The following NOTCH3 variants were observed in gnomAD, a reference collection of about 807,000 sequenced individuals.
NOTCH3 encodes the protein notch receptor 3, also known as neurogenic locus notch homolog protein 3.
NOTCH3 carries 86 observed loss-of-function variants against 213.3 expected under a neutral mutation model. The observed-to-expected ratio is 0.40, with a 90% CI of 0.34 to 0.48. The LOEUF is 0.48. Ranked by LOEUF, NOTCH3 falls within the 20% of genes least tolerant of loss-of-function variation. The pLI is 0.57. For missense variants in NOTCH3, 2,783 were observed against 3,272.6 expected (o/e 0.85, Z 3.65); for synonymous variants, 1,354 against 1,355.9 (o/e 1.00, Z 0.03).
chr19:15,193,696 A>C (rs1437231776), intron 2 of NOTCH3, among the ~76,000 whole-genome samples: 2 of 146,518 alleles, frequency 1.4e-5, no homozygotes, highest in Non-Finnish European at 3.0e-5. Flanking sequence ...GCTTGAACCC[A>C]GGAGGCGGAG....
chr19:15,159,588 C>T lies in NOTCH3; in HGVS notation c.*1074G>A. The T allele has an allele frequency of 4.5e-6, 1 of 223,218 alleles. No homozygotes were observed. The highest frequency in any genetic ancestry group is 9.0e-6 in the Non-Finnish European group (1 of 111,726). 13.8% of individuals were successfully genotyped at this position (223,218 alleles called of 1,614,324 possible). On this transcript the variant is annotated 3_prime_UTR_variant, in exon 33 of 33. Coordinates refer to ENST00000263388, the MANE Select transcript of NOTCH3 (RefSeq NM_000435.3). ...CCCTGGGTGGGGGAGATAGAAGTCC[C>T]ACTGCCACCACTCCCCACCTTACCT...
At chr19:15,190,054 C>T (rs1402456726) in intron 6 of NOTCH3, among the ~76,000 whole-genome samples, 1 of 151,972 alleles carries the variant, frequency 6.6e-6, no homozygotes, top group Non-Finnish European at 1.5e-5. Flanking sequence ...GTGAGTGCAT[C>T]GCTTGAGTTC....
At position 15,187,752 on chromosome 19, in the gene NOTCH3, C is replaced by T. The variant is rs930709018; in HGVS notation, c.1606+129G>A. On this transcript the variant is annotated intron_variant, in intron 10 of 32. Coordinates refer to ENST00000263388, the MANE Select transcript of NOTCH3 (RefSeq NM_000435.3). Reference sequence around the variant, plus strand: ...TCTATATGCATTATTGGCTCCACCCCCCAACTCTGTCACTGGGTCCTGCCT... The same window carrying T: ...TCTATATGCATTATTGGCTCCACCCTCCAACTCTGTCACTGGGTCCTGCCT... 5.2e-6 allele frequency: 4 copies of T among 769,368 alleles called. No individual in the cohort carries two copies. In the Admixed American group the frequency reaches 8.0e-5, roughly 15 times the overall value. The allele number at this position is 769,368 out of a possible 1,614,324, so 47.7% of individuals were successfully genotyped here.
chr19:15,196,738 T>C (rs2046973049), intron 2 of NOTCH3, among the ~76,000 whole-genome samples: 1 of 152,150 alleles, frequency 6.6e-6, no homozygotes, highest in Non-Finnish European at 1.5e-5. Flanking sequence ...GCACTTAATG[T>C]ATGTTGAGTG....
At position 15,192,403 on chromosome 19, in the gene NOTCH3, G is replaced by A. The variant is rs760267181; in HGVS notation, c.314C>T (p.Ser105Leu). 2.5e-6 allele frequency: 4 copies of A among 1,612,600 alleles called. No individual in the cohort carries two copies. The Admixed American group carries it at 6.7e-5, about 27-fold the overall frequency. The change falls in exon 3 of 33, where the codon TCA (serine) becomes TTA (leucine). Residue 105 changes from serine to leucine, a missense_variant. Physicochemically the swap from Ser to Leu is moderately radical, Grantham distance 145. This residue lies in a region of NOTCH3 where 708 missense variants were observed against 906.6 expected (regional missense o/e 0.78). Transcript: ENST00000263388. ...SSVVAGTARF[S>L]CRCPRGFRGP... The stretch of plus-strand genomic sequence containing the variant: ...TCGGAAGCCACGGGGGCACCGGCAT[G>A]AGAATCGGGCGGTGCCAGCCACCAC...
At chr19:15,181,478 G>A (rs1425775994) in intron 17 of NOTCH3, 98 bp downstream of exon 17, 3 of 1,004,274 alleles carry the variant, frequency 3.0e-6, no homozygotes, top group African/African-American at 1.6e-5. Flanking sequence ...GTACCAAGCT[G>A]AGGACTCCCC....
At chr19:15,170,649 C>T (rs2046725515) in intron 26 of NOTCH3, 22 bp downstream of exon 26, 2 of 1,553,870 alleles carry the variant, frequency 1.3e-6, no homozygotes, top group South Asian at 1.2e-5. Flanking sequence ...CCCGCCACCC[C>T]CTCCCCAAGG....
In NOTCH3 at chr19:15,174,124, C is replaced by G. The variant is rs2145408553; in HGVS notation, c.4680G>C (p.Arg1560=). The change falls in exon 25 of 33, where the codon CGG becomes CGC. Residue 1560 remains arginine (R), a synonymous_variant. Coordinates refer to ENST00000263388, the MANE Select transcript of NOTCH3 (RefSeq NM_000435.3). The part of the protein sequence containing the change: ...HGQAMVFPYH[R]PSPGSEPRAR... Reference sequence around the variant, plus strand: ...CCCGGGGTTCGGAGCCAGGACTAGGCCGGTGGTAAGGGAAGACCATGGCCT... The same window carrying G: ...CCCGGGGTTCGGAGCCAGGACTAGGGCGGTGGTAAGGGAAGACCATGGCCT... The G allele has an allele frequency of 6.2e-7, 1 of 1,603,874 alleles. No homozygotes were observed. The highest frequency in any genetic ancestry group is 1.3e-5 in the African/African-American group (1 of 74,790).
At chr19:15,162,224 C>G in intron 32 of NOTCH3, 1 of 524,212 alleles carries the variant, frequency 1.9e-6, no homozygotes, top group South Asian at 2.1e-5. Flanking sequence ...TCAAGTAATC[C>G]ACCCATCTCG....
intron 16 of NOTCH3, among the ~76,000 whole-genome samples, chr19:15,182,625 A>G (rs759303579): frequency 6.6e-5 from 10 of 151,348 alleles, no homozygotes; most frequent in Admixed American, 5.3e-4. Flanking sequence ...TTATTTATTT[A>G]TTTATTTACT....
Position 15,167,393 on chromosome 19 carries a change from C to T in NOTCH3, c.5218G>A (p.Gly1740Arg). The T allele has an allele frequency of 6.2e-7, 1 of 1,607,302 alleles. No homozygotes were observed. Among genetic ancestry groups the T allele is most frequent in the Non-Finnish European group, 8.5e-7 (1 of 1,180,010 alleles). ...CGGCAATCCACAGCCTCCTCAGCCC[C>T]CATGCCTGGCTCCTCTACCTGGAGG... Reference protein sequence around the residue: ...KRLKVEEPGMGAEEAVDCRQW... With the variant: ...KRLKVEEPGMRAEEAVDCRQW... Residue 1740 changes from glycine to arginine, a missense_variant, in exon 29 of 33, where the codon GGG (glycine) becomes AGG (arginine). Gly to Arg is a moderately radical substitution (Grantham distance 125, BLOSUM62 -2). This residue lies in a region of NOTCH3 where 636 missense variants were observed against 801.8 expected (regional missense o/e 0.79). Transcript: ENST00000263388.
In NOTCH3 at chr19:15,165,944, C is replaced by A; in HGVS notation, c.5510G>T (p.Arg1837Leu). ...QGAQLGARTDRTGETALHLAA... is the reference protein window; with the variant it reads ...QGAQLGARTDLTGETALHLAA... ...CAGGTGCAAAGCAGTCTCGCCAGTA[C>A]GGTCAGTCCGTGCCCCAAGCTGAGC... Residue 1837 changes from arginine (R) to leucine (L), a missense_variant, in exon 30 of 33, where the codon CGT becomes CTT. By Grantham distance (102) the Arg-to-Leu change is moderately radical (BLOSUM62 -2). This residue lies in a region of NOTCH3 where 636 missense variants were observed against 801.8 expected (regional missense o/e 0.79). Coordinates refer to ENST00000263388, the MANE Select transcript of NOTCH3 (RefSeq NM_000435.3). This position sits in a 1 kb window ranked among gnomAD's most constrained non-coding sequence, Gnocchi z 4.7. 1 of 1,614,136 alleles carries A rather than the reference C, an allele frequency of 6.2e-7. No homozygotes were observed. Among genetic ancestry groups the A allele is most frequent in the East Asian group, 2.2e-5 (1 of 44,872 alleles).
At chr19:15,194,957 C>CA (rs35648748) in intron 2 of NOTCH3, among the ~76,000 whole-genome samples, 322 of 119,402 alleles carry the variant, frequency 2.7e-3, no homozygotes, top group Middle Eastern at 4.2e-3. Context: ...TACTCGATCT[C>CA]AAAAAAAAAA....
In NOTCH3 at chr19:15,179,212, T is replaced by A. The variant is rs1307960585; in HGVS notation, c.3531A>T (p.Leu1177=). The change falls in exon 22 of 33, where the codon CTA becomes CTT. Residue 1177 remains leucine (L), a synonymous_variant. Coordinates refer to ENST00000263388, the MANE Select transcript of NOTCH3 (RefSeq NM_000435.3). ...GPPLDSGPRC[L]HNGTCVDLVG... Reference sequence around the variant, plus strand: ...CCAGGTCCACGCAGGTGCCATTGTGTAGGCACCGGGGCCCTGAGTCCAGCG... The same window carrying A: ...CCAGGTCCACGCAGGTGCCATTGTGAAGGCACCGGGGCCCTGAGTCCAGCG... 6.2e-7 allele frequency: 1 copy of A among 1,613,920 alleles called. No homozygotes were observed. Among genetic ancestry groups the A allele is most frequent in the Non-Finnish European group, 8.5e-7 (1 of 1,179,970 alleles).
Position 15,185,534 on chromosome 19 carries a change from A to G in NOTCH3, c.2097T>C (p.Cys699=), listed in dbSNP as rs1464543891. 1.2e-6 allele frequency: 2 copies of G among 1,613,030 alleles called. No homozygotes were observed. The highest frequency in any genetic ancestry group is 1.7e-6 in the Non-Finnish European group (2 of 1,179,740). The change falls in exon 13 of 33, where the codon TGT becomes TGC. Residue 699 remains cysteine, a synonymous_variant. Coordinates refer to ENST00000263388, the MANE Select transcript of NOTCH3 (RefSeq NM_000435.3). This position sits in a 1 kb window ranked among gnomAD's most constrained non-coding sequence, Gnocchi z 4.2. ...TGCCGTGACTGCAGGGCTCATGGGC[A>G]CAGGGATGGCTCGGGGGGAGGCAGA... ...PPLCLPPSHP[C]AHEPCSHGIC...
chr19:15,185,224 G>A lies in NOTCH3; in HGVS notation c.2296+33C>T. 6.2e-7 allele frequency: 1 copy of A among 1,611,246 alleles called. No homozygotes were observed. Among genetic ancestry groups the A allele is most frequent in the Non-Finnish European group, 8.5e-7 (1 of 1,178,488 alleles). The stretch of plus-strand genomic sequence containing the variant: ...GAGAGATGAGAAGGCCCATGGTGTT[G>A]GTGGGGCTGCAGAGGGAAGGTGAGG... On this transcript the variant is annotated intron_variant, in intron 14 of 32. Coordinates refer to ENST00000263388, the MANE Select transcript of NOTCH3 (RefSeq NM_000435.3). This position sits in a 1 kb window ranked among gnomAD's most constrained non-coding sequence, Gnocchi z 4.2.
chr19:15,180,902 T>C, intron 18 of NOTCH3, 59 bp downstream of exon 18: 2 of 1,591,296 alleles, frequency 1.3e-6, no homozygotes, highest in Non-Finnish European at 1.7e-6. Flanking sequence ...CCGACTTGGC[T>C]TCTCCCTCCT....
intron 8 of NOTCH3, among the ~76,000 whole-genome samples, chr19:15,188,715 G>A (rs2046904017): frequency 6.7e-6 from 1 of 149,438 alleles, no homozygotes; most frequent in Non-Finnish European, 1.5e-5. Flanking sequence ...CAGCAGCCCC[G>A]ACTCTGCCTC....
At chr19:15,178,770 A>C (rs886930490) in intron 23 of NOTCH3, 53 bp downstream of exon 23, 25 of 1,262,380 alleles carry the variant, frequency 2.0e-5, no homozygotes, top group East Asian at 1.5e-4. Context: ...CGCCCCTACT[A>C]CTCCAGAGGC....
Sources: allele counts gnomAD v4.1 joint callset (sites outside exome capture counted in the v4.1 genomes callset), GRCh38; gene constraint gnomAD v4.1.1; regional missense constraint gnomAD v4.1.1; non-coding constraint Gnocchi (gnomAD v3.1); transcripts MANE v1.5; gene names NCBI Gene and HGNC (gene_info 2026-07-23, HGNC 2026-07-21).